IMMP2L: variants seen among roughly 807,000 people sequenced by gnomAD.
IMMP2L encodes the protein inner mitochondrial membrane peptidase subunit 2, also known as mitochondrial inner membrane protease subunit 2.
A neutral mutation model predicts 19.3 loss-of-function variants in IMMP2L; 18 were observed. That is an observed-to-expected ratio of 0.93 (90% CI 0.64 to 1.38). The LOEUF is 1.38. Among genes scored for constraint, IMMP2L ranks in the 40% most tolerant of loss-of-function variants. The pLI is 0.00. For synonymous variants in IMMP2L, 76 were observed against 73.0 expected (o/e 1.04, Z -0.21); for missense variants, 233 against 218.2 (o/e 1.07, Z -0.43).
intron 5 of IMMP2L, among the ~76,000 whole-genome samples, chr7:110,743,220 G>C (rs1224171029): frequency 6.6e-6 from 1 of 152,114 alleles, no homozygotes; most frequent in Non-Finnish European, 1.5e-5. Flanking sequence ...CTCTAGGTCT[G>C]AGAAAAGGTA....
At chr7:111,023,593 C>T (rs1268313091) in intron 3 of IMMP2L, among the ~76,000 whole-genome samples, 1 of 151,522 alleles carries the variant, frequency 6.6e-6, no homozygotes, top group African/African-American at 2.4e-5. Context: ...AACTGTAATC[C>T]TAGCTGAGGA....
chr7:110,763,903 T>G (rs1482378535), intron 5 of IMMP2L, among the ~76,000 whole-genome samples: 1 of 152,150 alleles, frequency 6.6e-6, no homozygotes, highest in Non-Finnish European at 1.5e-5. Flanking sequence ...TTGCTTGCAC[T>G]ATTAATTTGG....
rs1208075986 is a variant in IMMP2L at position 111,123,172 on chromosome 7, A to G, written c.240-159607T>C. 5.0e-6 allele frequency: 8 copies of G among 1,614,036 alleles called. No individual in the cohort carries two copies. The highest frequency in any genetic ancestry group is 6.8e-6 in the Non-Finnish European group (8 of 1,179,996). On this transcript the variant is annotated intron_variant, in intron 3 of 5. Transcript: ENST00000405709. The surrounding 1 kb of genome is among the most constrained non-coding windows in gnomAD (Gnocchi z 6.4). ...AAACAAACTTACTGAACTGCCTGAAAAATGTCTGTCCGAACTGAGCAACTT... is the reference window on the plus strand; with the variant it reads ...AAACAAACTTACTGAACTGCCTGAAGAATGTCTGTCCGAACTGAGCAACTT...
chr7:111,419,445 T>G lies in IMMP2L; in HGVS notation c.239+67793A>C, dbSNP rs577284024. ...TAAAGGGAAAAGTCGATCTGGGAAC[T>G]GCTTAGGACAAACCTGTCTCCCGTG... On this transcript the variant is annotated intron_variant, in intron 3 of 5. Transcript: ENST00000405709. Among the ~76,000 whole-genome samples, 2 of 151,696 alleles carry G rather than the reference T, an allele frequency of 1.3e-5. 1 individual carries two copies. Among genetic ancestry groups the G allele is most frequent in the African/African-American group, 4.9e-5 (2 of 41,058 alleles).
At chr7:111,002,803 G>A (rs533908837) in intron 3 of IMMP2L, among the ~76,000 whole-genome samples, 141 of 152,208 alleles carry the variant, frequency 9.3e-4, no homozygotes, top group Admixed American at 3.3e-3. Context: ...TAAGTCACTC[G>A]AAAGCAAGAT....
chr7:111,148,565 G>A (rs951030460), intron 3 of IMMP2L, among the ~76,000 whole-genome samples: 4 of 151,970 alleles, frequency 2.6e-5, no homozygotes, highest in Non-Finnish European at 4.4e-5. Flanking sequence ...GTAGATGACA[G>A]TTTTTACCTG....
chr7:110,702,668 A>T (rs1438786234), intron 5 of IMMP2L, among the ~76,000 whole-genome samples: 1 of 152,184 alleles, frequency 6.6e-6, no homozygotes, highest in Non-Finnish European at 1.5e-5. Context: ...TCAAGGTTTT[A>T]ATGCTATTAT....
chr7:110,886,737 G>C, intron 4 of IMMP2L, 42 bp from the exon 5 acceptor site: 1 of 908,774 alleles, frequency 1.1e-6, no homozygotes, highest in South Asian at 1.4e-5. Flanking sequence ...GAGTAGAAAA[G>C]AGATCAAACT....
intron 3 of IMMP2L, among the ~76,000 whole-genome samples, chr7:111,473,868 T>C (rs1841486088): frequency 6.6e-6 from 1 of 152,074 alleles, no homozygotes; most frequent in African/African-American, 2.4e-5. Context: ...ATGCACACAC[T>C]CATATGTTCA....
chr7:110,847,066 A>C (rs799619), intron 5 of IMMP2L, among the ~76,000 whole-genome samples: 2,511 of 152,308 alleles, frequency 0.016, 57 homozygotes, highest in African/African-American at 0.056. Context: ...GTTATGTCAC[A>C]TTCTCAAATA....
intron 3 of IMMP2L, among the ~76,000 whole-genome samples, chr7:111,331,579 A>C (rs1825880031): frequency 6.6e-6 from 1 of 151,978 alleles, no homozygotes; most frequent in Admixed American, 6.6e-5. Flanking sequence ...CTCACCACAA[A>C]AAAAGGTATT....
chr7:111,421,675 G>T (rs1835569388), intron 3 of IMMP2L, among the ~76,000 whole-genome samples: 1 of 151,682 alleles, frequency 6.6e-6, no homozygotes, highest in Admixed American at 6.6e-5. Flanking sequence ...TAGATTGCCT[G>T]TTCACTCTGA....
intron 4 of IMMP2L, among the ~76,000 whole-genome samples, chr7:110,950,756 G>C (rs1817708639): frequency 6.7e-6 from 1 of 149,468 alleles, no homozygotes. Flanking sequence ...TCCCAGCTCT[G>C]TTCCTTACAA....
intron 5 of IMMP2L, among the ~76,000 whole-genome samples, chr7:110,734,910 A>G (rs2008109): frequency 0.33 from 49,816 of 152,078 alleles, 10,045 homozygotes; most frequent in East Asian, 0.69. Context: ...TTGTCAGTTA[A>G]GTAGAGTGTT....
At position 111,116,990 on chromosome 7, in the gene IMMP2L, T is replaced by G. The variant is rs1017424263; in HGVS notation, c.240-153425A>C. ...CTAATCGAGGCAATTTACTTCCTAC[T>G]GGTTAGTCTGCCTTAATTTAATGAT... On this transcript the variant is annotated intron_variant, in intron 3 of 5. Transcript: ENST00000405709. 2.0e-5 allele frequency among the ~76,000 whole-genome samples: 3 copies of G among 152,182 alleles called. No homozygotes were observed. The South Asian group carries it at 6.2e-4, about 31-fold the overall frequency.
At chr7:110,785,805 G>T (rs1330196117) in intron 5 of IMMP2L, among the ~76,000 whole-genome samples, 2 of 151,850 alleles carry the variant, frequency 1.3e-5, no homozygotes, top group Non-Finnish European at 2.9e-5. Context: ...GGAAAATATG[G>T]TAATAAAATT....
At chr7:111,561,707 G>A (rs1792082074) in intron 1 of IMMP2L, 144 bp downstream of exon 1, 2 of 152,588 alleles carry the variant, frequency 1.3e-5, no homozygotes, top group Admixed American at 1.3e-4. Flanking sequence ...TGACTTTGAA[G>A]GTGGGTCCTC....
intron 3 of IMMP2L, chr7:111,391,907 C>T (rs1171926153): frequency 8.5e-6 from 6 of 702,880 alleles, no homozygotes; most frequent in Admixed American, 2.0e-5. Context: ...ACATTGAGCA[C>T]TGCCCGCCTT....
chr7:110,888,086 T>A (rs775778698), intron 4 of IMMP2L, among the ~76,000 whole-genome samples: 1 of 152,184 alleles, frequency 6.6e-6, no homozygotes, highest in Non-Finnish European at 1.5e-5. Flanking sequence ...AAATCATTCA[T>A]GCAACGAAGC....
Sources: gnomAD v4.1 joint callset for allele counts (sites outside exome capture counted in the v4.1 genomes callset) on GRCh38, gnomAD v4.1.1 for gene constraint, Gnocchi (gnomAD v3.1) non-coding constraint, MANE v1.5 for transcripts, NCBI Gene and HGNC (gene_info 2026-07-23, HGNC 2026-07-21) for gene names.